ZNF480: variants seen among roughly 807,000 people sequenced by gnomAD.
ZNF480 encodes zinc finger protein 480.
Under a neutral mutation model 14.4 loss-of-function variants are expected in ZNF480, and 15 were observed. The ratio of observed to expected loss-of-function variants is 1.04; its 90% CI spans 0.70 to 1.60. The LOEUF (loss-of-function observed/expected upper bound fraction) is 1.60. ZNF480 is among the 40% of genes most tolerant of loss of function. The pLI is 0.00. For synonymous variants in ZNF480, 218 were observed against 215.5 expected, an observed-to-expected ratio of 1.01 and a Z score of -0.10; for missense variants, 593 against 629.7, an observed-to-expected ratio of 0.94 and a Z score of 0.62.
chr19:52,309,949 G>A (rs1415359055), intron 2 of ZNF480, among the ~76,000 whole-genome samples: 1 of 152,110 alleles, frequency 6.6e-6, no homozygotes, highest in East Asian at 1.9e-4. Flanking sequence ...GATGTCAGAT[G>A]TTTCTTTCCT....
At chr19:52,307,158 ACTT>A (rs1276922729) in intron 2 of ZNF480, among the ~76,000 whole-genome samples, 2 of 152,252 alleles carry the variant, frequency 1.3e-5, no homozygotes, top group South Asian at 2.1e-4. Flanking sequence ...TCCTTATATG[ACTT>A]CTTCAGTGTG....
chr19:52,310,535 T>C (rs149280181), intron 2 of ZNF480, among the ~76,000 whole-genome samples: 1 of 152,186 alleles, frequency 6.6e-6, no homozygotes, highest in Admixed American at 6.5e-5. Flanking sequence ...CAGTGGTGAT[T>C]GGCTGCAGCA....
chr19:52,300,784 G>A (rs1982655177), intron 2 of ZNF480: 1 of 459,812 alleles, frequency 2.2e-6, no homozygotes, highest in African/African-American at 1.9e-5. Flanking sequence ...GCAAGCCATT[G>A]ATAAGCATTG....
rs1983870293 is a variant in ZNF480 at position 52,322,330 on chromosome 19, A to T, written c.1080A>T (p.Arg360=). Residue 360 remains arginine (R), a synonymous_variant, in exon 5 of 5, where the codon CGA becomes CGT. Transcript: ENST00000595962. ...TCTATAGGATTGCGCTCCTTGTACG[A>T]CATCAGAAAATTCATACTGGAGAGA... ...KAFYRIALLV[R]HQKIHTGEKP... The T allele has an allele frequency of 6.2e-7, 1 of 1,613,482 alleles. No individual in the cohort carries two copies. The highest frequency in any genetic ancestry group is 1.7e-5 in the Admixed American group (1 of 59,944).
At chr19:52,316,007 G>T in intron 4 of ZNF480, 45 bp downstream of exon 4, 2 of 1,498,668 alleles carry the variant, frequency 1.3e-6, no homozygotes, top group Non-Finnish European at 1.8e-6. Context: ...TGTTGTTTGG[G>T]CTTTTTTTTT....
rs1984063766 is a variant in ZNF480 at position 52,325,617 on chromosome 19, G to A, written c.*2759G>A. ...AAAGAACAAGACTGTGTCCTTTACA[G>A]CAACATAGATGGAGCTGAGGCTCTT... On this transcript the variant is annotated 3_prime_UTR_variant, in exon 5 of 5. Coordinates refer to ENST00000595962, the MANE Select transcript of ZNF480 (RefSeq NM_144684.4). 1.3e-5 allele frequency: 2 copies of A among 152,218 alleles called. No individual in the cohort carries two copies. Among genetic ancestry groups the A allele is most frequent in the South Asian group, 4.1e-4 (2 of 4,836 alleles). 9.4% of individuals were successfully genotyped at this position (152,218 alleles called of 1,614,324 possible). A position where few individuals can be genotyped will look rare whatever the true frequency, so the allele number is the denominator to read the frequency against.
intron 2 of ZNF480, among the ~76,000 whole-genome samples, chr19:52,302,496 G>A (rs1018739746): frequency 1.3e-5 from 2 of 152,190 alleles, no homozygotes; most frequent in Non-Finnish European, 2.9e-5. Flanking sequence ...AGCTTGGCTA[G>A]TACGGCCTTG....
chr19:52,303,718 A>C (rs1473726066), intron 2 of ZNF480, among the ~76,000 whole-genome samples: 1 of 152,186 alleles, frequency 6.6e-6, no homozygotes, highest in Non-Finnish European at 1.5e-5. Context: ...TTAATTGCTG[A>C]GGGCTAGTGA....
At chr19:52,298,556 G>T (rs1982527908) in intron 1 of ZNF480, among the ~76,000 whole-genome samples, 1 of 151,926 alleles carries the variant, frequency 6.6e-6, no homozygotes, top group South Asian at 2.1e-4. Flanking sequence ...GCTTGAACCC[G>T]GGAGGCGGAG....
intron 3 of ZNF480, among the ~76,000 whole-genome samples, chr19:52,315,340 CAG>C (rs1385799365): frequency 5.3e-5 from 8 of 150,226 alleles, no homozygotes; most frequent in Non-Finnish European, 1.2e-4. Flanking sequence ...TTTTTTGAGA[CAG>C]AGTGTTTCAC....
Position 52,325,465 on chromosome 19 carries a change from C to T in ZNF480, c.*2607C>T, listed in dbSNP as rs1038279330. 2.0e-5 allele frequency: 3 copies of T among 152,214 alleles called. No homozygotes were observed. Among genetic ancestry groups the T allele is most frequent in the African/African-American group, 7.2e-5 (3 of 41,454 alleles). The allele number at this position is 152,214 out of a possible 1,614,324, so 9.4% of individuals were successfully genotyped here. The stretch of plus-strand genomic sequence containing the variant: ...AATCATTCCACCATAAAGACAAACA[C>T]TTGTATGTTCATTGCAGCACTATTC... On this transcript the variant is annotated 3_prime_UTR_variant, in exon 5 of 5. Transcript: ENST00000595962.
intron 2 of ZNF480, among the ~76,000 whole-genome samples, chr19:52,306,817 T>C (rs1287581615): frequency 1.3e-5 from 2 of 152,162 alleles, no homozygotes; most frequent in East Asian, 3.8e-4. Context: ...CCTGCCTGAA[T>C]AGAACCGAGA....
chr19:52,316,038 G>T, intron 4 of ZNF480, 76 bp downstream of exon 4: 2 of 1,412,090 alleles, frequency 1.4e-6, no homozygotes, highest in South Asian at 1.8e-5. Flanking sequence ...GTCTAGTTTT[G>T]GTTTTTTATG....
At chr19:52,318,801 G>A (rs949065106) in intron 4 of ZNF480, among the ~76,000 whole-genome samples, 2 of 151,962 alleles carry the variant, frequency 1.3e-5, no homozygotes, top group Admixed American at 6.6e-5. Flanking sequence ...TTGACATTTT[G>A]ATTGAACATT....
In ZNF480 at chr19:52,323,722, A is replaced by G. The variant is rs961334840; in HGVS notation, c.*864A>G. ...ACCACATGACCATGATCATCTCTTT[A>G]GATGCAGAAAGGTTTTTAATAAAAT... On this transcript the variant is annotated 3_prime_UTR_variant, in exon 5 of 5. Coordinates refer to ENST00000595962, the MANE Select transcript of ZNF480 (RefSeq NM_144684.4). The G allele has an allele frequency of 6.6e-6, 1 of 152,224 alleles. No individual in the cohort carries two copies. Among genetic ancestry groups the G allele is most frequent in the Non-Finnish European group, 1.5e-5 (1 of 68,042 alleles). The allele number at this position is 152,224 out of a possible 1,614,324, so 9.4% of individuals were successfully genotyped here.
Position 52,322,606 on chromosome 19 carries a change from G to A in ZNF480, c.1356G>A (p.Glu452=). The stretch of plus-strand genomic sequence containing the variant: ...CCCATCTTGTAATCCACACTGGAGA[G>A]AAGCCTTACAAATGTAGTGAATGTG... ...LSAHLVIHTG[E]KPYKCSECGK... Residue 452 remains glutamate, a synonymous_variant, in exon 5 of 5, where the codon GAG becomes GAA. Transcript: ENST00000595962. 1 of 1,614,090 alleles carries A rather than the reference G, an allele frequency of 6.2e-7. No individual in the cohort carries two copies. Among genetic ancestry groups the A allele is most frequent in the Admixed American group, 1.7e-5 (1 of 60,000 alleles).
At chr19:52,314,904 C>T (rs1983476867) in intron 3 of ZNF480, among the ~76,000 whole-genome samples, 1 of 152,076 alleles carries the variant, frequency 6.6e-6, no homozygotes, top group Non-Finnish European at 1.5e-5. Flanking sequence ...CCTTTTTCTT[C>T]AGATGTTCTG....
Position 52,322,745 on chromosome 19 carries a change from G to C in ZNF480, c.1495G>C (p.Ala499Pro). 1.2e-6 allele frequency: 2 copies of C among 1,613,820 alleles called. No homozygotes were observed. Among genetic ancestry groups the C allele is most frequent in the Non-Finnish European group, 1.7e-6 (2 of 1,179,820 alleles). Residue 499 changes from alanine to proline, a missense_variant, in exon 5 of 5, where the codon GCA (alanine) becomes CCA (proline). Physicochemically the swap from Ala to Pro is conservative, Grantham distance 27. Coordinates refer to ENST00000595962, the MANE Select transcript of ZNF480 (RefSeq NM_144684.4). ...GKVFNRIAHLARHRKIHTGEK... is the reference protein window; with the variant it reads ...GKVFNRIAHLPRHRKIHTGEK... ...GGTCTTCAATCGAATTGCACACCTTGCACGACATCGGAAAATTCATACTGG... is the reference window on the plus strand; with the variant it reads ...GGTCTTCAATCGAATTGCACACCTTCCACGACATCGGAAAATTCATACTGG...
intron 2 of ZNF480, among the ~76,000 whole-genome samples, chr19:52,310,937 A>G (rs12973239): frequency 0.56 from 82,844 of 146,698 alleles, 23,846 homozygotes; most frequent in Non-Finnish European, 0.63. Context: ...CCCGGGAGGC[A>G]GAGCTTACAG....
Sources: gnomAD v4.1 joint callset for allele counts (sites outside exome capture counted in the v4.1 genomes callset) on GRCh38, gnomAD v4.1.1 for gene constraint, MANE v1.5 for transcripts, NCBI Gene and HGNC (gene_info 2026-07-23, HGNC 2026-07-21) for gene names.